The following MILR1 variants were observed in gnomAD, a reference collection of about 807,000 sequenced individuals.
MILR1 encodes mast cell immunoglobulin like receptor 1, also known as allergin-1.
A neutral mutation model predicts 18.5 loss-of-function variants in MILR1; 31 were observed. The observed-to-expected ratio is 1.68, with a 90% confidence interval of 1.26 to 2.26. The LOEUF (loss-of-function observed/expected upper bound fraction) is 2.26, where lower values mean the gene tolerates loss of function less well. MILR1 is among the 30% of genes most tolerant of loss of function. The pLI, the probability that MILR1 is intolerant of heterozygous loss-of-function variation, is 0.00. For missense variants in MILR1, 257 were observed against 157.4 expected, an observed-to-expected ratio of 1.63 and a Z score of -3.38; for synonymous variants, 85 against 56.2, an observed-to-expected ratio of 1.51 and a Z score of -2.30.
chr17:64,492,728 G>T, the MILR1 span: 30 of 1,613,002 alleles, frequency 1.9e-5, no homozygotes, highest in Non-Finnish European at 2.3e-5. Flanking sequence ...TGAAGTTCTC[G>T]GAGGAGTAAA....
chr17:64,464,525 C>T (rs2037505753), intron 5 of MILR1, among the ~76,000 whole-genome samples: 1 of 152,096 alleles, frequency 6.6e-6, no homozygotes, highest in Non-Finnish European at 1.5e-5. Context: ...CAGGCGTGAG[C>T]CACTGCACCC....
the MILR1 span, among the ~76,000 whole-genome samples, chr17:64,486,207 T>C: frequency 2.0e-5 from 3 of 152,272 alleles, no homozygotes; most frequent in Admixed American, 6.5e-5. Context: ...GGCCCAAATG[T>C]GAATTTTAAA....
the MILR1 span, chr17:64,497,067 G>T: frequency 8.0e-7 from 1 of 1,247,642 alleles, no homozygotes; most frequent in Non-Finnish European, 1.1e-6. Flanking sequence ...CGGCGCAGGC[G>T]CAACGGAGGT....
At chr17:64,477,380 G>A in the MILR1 span, among the ~76,000 whole-genome samples, 16 of 151,734 alleles carry the variant, frequency 1.1e-4, no homozygotes, top group East Asian at 3.1e-3. Flanking sequence ...AATTTAAAAG[G>A]GAAGAGTGTT....
Position 64,468,546 on chromosome 17 carries a change from C to G in MILR1, c.*265C>G. 1 of 1,020,450 alleles carries G rather than the reference C, an allele frequency of 9.8e-7. No individual in the cohort carries two copies. Among genetic ancestry groups the G allele is most frequent in the Non-Finnish European group, 1.2e-6 (1 of 802,696 alleles). The allele number at this position is 1,020,450 out of a possible 1,614,324, so 63.2% of individuals were successfully genotyped here. A position where few individuals can be genotyped will look rare whatever the true frequency, so the allele number is the denominator to read the frequency against. On this transcript the variant is annotated 3_prime_UTR_variant, in exon 10 of 10. Coordinates refer to ENST00000619286, the MANE Select transcript of MILR1 (RefSeq NM_001085423.2). Reference sequence around the variant, plus strand: ...TCAGATGATCTGCCTGCCTCGGCCTCCCAAAGTGCTGGAACTACAAGCCTG... The same window carrying G: ...TCAGATGATCTGCCTGCCTCGGCCTGCCAAAGTGCTGGAACTACAAGCCTG...
intron 5 of MILR1, 110 bp from the exon 6 acceptor site, chr17:64,465,342 C>A: frequency 1.3e-6 from 1 of 769,696 alleles, no homozygotes; most frequent in Non-Finnish European, 2.2e-6. Flanking sequence ...GCCATTGGAG[C>A]AAGTCACTCT....
At chr17:64,497,143 C>T in the MILR1 span, 3 of 694,866 alleles carry the variant, frequency 4.3e-6, no homozygotes, top group African/African-American at 3.5e-5. Context: ...CGCAGCCGTC[C>T]CCCGCCCACC....
chr17:64,473,921 A>G, the MILR1 span, among the ~76,000 whole-genome samples: 1 of 152,192 alleles, frequency 6.6e-6, no homozygotes, highest in Non-Finnish European at 1.5e-5. Context: ...GTCAATACTC[A>G]TCAATTTGTA....
At chr17:64,497,309 C>T in the MILR1 span, among the ~76,000 whole-genome samples, 4 of 152,272 alleles carry the variant, frequency 2.6e-5, no homozygotes, top group Admixed American at 1.3e-4. Flanking sequence ...CTTCCTTCTG[C>T]CACTGTTTTG....
At chr17:64,451,810 A>G (rs1197132933) in intron 2 of MILR1, among the ~76,000 whole-genome samples, 2 of 151,930 alleles carry the variant, frequency 1.3e-5, no homozygotes, top group South Asian at 2.1e-4. Context: ...GTGTGTGCCT[A>G]TAGTTCAGCT....
At chr17:64,451,876 G>T (rs2144001757) in intron 2 of MILR1, among the ~76,000 whole-genome samples, 1 of 151,838 alleles carries the variant, frequency 6.6e-6, no homozygotes, top group African/African-American at 2.4e-5. Context: ...AGGCTGTGGT[G>T]AGTCAAGATG....
At chr17:64,466,406 C>T (rs2037561122) in intron 6 of MILR1, 36 bp from the exon 7 acceptor site, 2 of 1,598,012 alleles carry the variant, frequency 1.3e-6, no homozygotes, top group Admixed American at 1.7e-5. Flanking sequence ...ACACAAACGC[C>T]ACCAACCCCC....
At chr17:64,471,061 G>T (rs1555664498), downstream of MILR1, among the ~76,000 whole-genome samples, 1 of 151,968 alleles carries the variant, frequency 6.6e-6, no homozygotes, top group Admixed American at 6.6e-5. Context: ...CATCCCTAGG[G>T]GGTAATTTTG....
At chr17:64,481,447 C>A in the MILR1 span, 1 of 984,394 alleles carries the variant, frequency 1.0e-6, no homozygotes, top group African/African-American at 1.7e-5. Context: ...GAAGGAGTCT[C>A]TGGAACGAAA....
chr17:64,470,020 G>A (rs1390739204), downstream of MILR1, among the ~76,000 whole-genome samples: 10 of 152,164 alleles, frequency 6.6e-5, no homozygotes, highest in Non-Finnish European at 1.3e-4. Flanking sequence ...CAGATACAGC[G>A]TTTCAGTTTG....
the MILR1 span, among the ~76,000 whole-genome samples, chr17:64,479,015 A>G: frequency 6.6e-6 from 1 of 152,218 alleles, no homozygotes; most frequent in Non-Finnish European, 1.5e-5. Flanking sequence ...CCTTTACCAT[A>G]TAAAGAACAA....
At chr17:64,470,385 C>T (rs1031262815), downstream of MILR1, among the ~76,000 whole-genome samples, 5 of 152,170 alleles carry the variant, frequency 3.3e-5, no homozygotes, top group Admixed American at 1.3e-4. Context: ...TGAGCTATTG[C>T]GCCCGGCAAT....
At chr17:64,493,571 G>A in the MILR1 span, among the ~76,000 whole-genome samples, 3 of 151,686 alleles carry the variant, frequency 2.0e-5, no homozygotes, top group African/African-American at 4.8e-5. Flanking sequence ...TGCAACCTCC[G>A]CCTCCCGGGT....
Position 64,466,578 on chromosome 17 carries a change from C to A in MILR1, c.911-16C>A. 2.5e-6 allele frequency: 4 copies of A among 1,611,098 alleles called. No homozygotes were observed. Among genetic ancestry groups the A allele is most frequent in the Non-Finnish European group, 3.4e-6 (4 of 1,178,620 alleles). ...ATAATTGGCCCAATAATTCCTATTCCTTATCTTTTGCCCAGAGGCCAAACA... is the reference window on the plus strand; with the variant it reads ...ATAATTGGCCCAATAATTCCTATTCATTATCTTTTGCCCAGAGGCCAAACA... On this transcript the variant is annotated splice_polypyrimidine_tract_variant and intron_variant, in intron 7 of 9. Coordinates refer to ENST00000619286, the MANE Select transcript of MILR1 (RefSeq NM_001085423.2).
Sources: allele counts gnomAD v4.1 joint callset (sites outside exome capture counted in the v4.1 genomes callset), GRCh38; gene constraint gnomAD v4.1.1; transcripts MANE v1.5; gene names NCBI Gene and HGNC (gene_info 2026-07-23, HGNC 2026-07-21).